TRIT1: variants seen among roughly 807,000 people sequenced by gnomAD.
TRIT1 encodes tRNA isopentenyltransferase 1.
TRIT1 carries 43 observed loss-of-function variants against 51.2 expected under a neutral mutation model. The observed-to-expected ratio is 0.84, with a 90% CI of 0.66 to 1.08. The LOEUF (loss-of-function observed/expected upper bound fraction) is 1.08, where lower values mean the gene tolerates loss of function less well. Among genes scored for constraint, TRIT1 ranks in the 50% least tolerant of loss-of-function variants. The probability of loss-of-function intolerance (pLI) is 0.00; values close to 1 mark genes in which losing one functional copy is unlikely to be tolerated. For missense variants in TRIT1, 528 were observed against 578.4 expected (o/e 0.91, Z 0.89); for synonymous variants, 184 against 203.9 (o/e 0.90, Z 0.83).
chr1:39,868,311 T>A (rs1170258316), intron 1 of TRIT1, among the ~76,000 whole-genome samples: 1 of 152,174 alleles, frequency 6.6e-6, no homozygotes, highest in African/African-American at 2.4e-5. Context: ...TATTTGCGAA[T>A]AACATATCTG....
At chr1:39,860,837 T>C (rs1372187926) in intron 1 of TRIT1, among the ~76,000 whole-genome samples, 1 of 152,220 alleles carries the variant, frequency 6.6e-6, no homozygotes, top group Admixed American at 6.5e-5. Context: ...TCCAGCACTC[T>C]GGGAGGCCGA....
chr1:39,879,859 C>G (rs1445285052), intron 1 of TRIT1, among the ~76,000 whole-genome samples: 12 of 106,330 alleles, frequency 1.1e-4, no homozygotes, highest in African/African-American at 4.3e-4. Flanking sequence ...GCCACAATAG[C>G]GAAACTCCAT....
At chr1:39,862,439 C>T (rs945777638) in intron 1 of TRIT1, among the ~76,000 whole-genome samples, 1 of 151,944 alleles carries the variant, frequency 6.6e-6, no homozygotes, top group Non-Finnish European at 1.5e-5. Flanking sequence ...TTGTGATATT[C>T]CGTTTCTTGA....
rs1356484170 is a variant in TRIT1 at position 39,839,591 on chromosome 1, G to A, written c.*2153C>T. 6.6e-6 allele frequency among the ~76,000 whole-genome samples: 1 copy of A among 152,226 alleles called. No individual in the cohort carries two copies. Among genetic ancestry groups the A allele is most frequent in the Non-Finnish European group, 1.5e-5 (1 of 68,050 alleles). ...CCAGAGCACCAGGCAGATTTCTAGTGAGTGTTCTGCCTTTCCCAGGCTCTT... is the reference window on the plus strand; with the variant it reads ...CCAGAGCACCAGGCAGATTTCTAGTAAGTGTTCTGCCTTTCCCAGGCTCTT... On this transcript the variant is annotated 3_prime_UTR_variant, in exon 11 of 11. Coordinates refer to ENST00000316891, the MANE Select transcript of TRIT1 (RefSeq NM_017646.6).
chr1:39,853,929 C>A (rs1437576710), intron 3 of TRIT1, 41 bp downstream of exon 3: 2 of 1,367,464 alleles, frequency 1.5e-6, no homozygotes, highest in African/African-American at 1.4e-5. Context: ...CAAGAAAGAG[C>A]AATCCATTTC....
chr1:39,840,754 C>G lies in TRIT1; in HGVS notation c.*990G>C, dbSNP rs957124972. On this transcript the variant is annotated 3_prime_UTR_variant, in exon 11 of 11. Coordinates refer to ENST00000316891, the MANE Select transcript of TRIT1 (RefSeq NM_017646.6). ...ATGTAGTTAATGCTGCTGAATTATA[C>G]CCTAAAAATGCTATATTTGATGTTA... 3.3e-5 allele frequency among the ~76,000 whole-genome samples: 5 copies of G among 152,162 alleles called. No homozygotes were observed. The highest frequency in any genetic ancestry group is 9.7e-5 in the African/African-American group (4 of 41,420).
At chr1:39,871,120 G>C (rs1185772478) in intron 1 of TRIT1, among the ~76,000 whole-genome samples, 2 of 152,114 alleles carry the variant, frequency 1.3e-5, no homozygotes, top group Non-Finnish European at 2.9e-5. Context: ...TTGAACCCGG[G>C]AGGCGGAGGT....
intron 1 of TRIT1, among the ~76,000 whole-genome samples, chr1:39,879,130 G>A (rs754091024): frequency 1.1e-4 from 16 of 152,074 alleles, no homozygotes; most frequent in East Asian, 1.9e-4. Flanking sequence ...TTAGCCAGGC[G>A]TGGTGGCACA....
At position 39,847,646 on chromosome 1, in the gene TRIT1, T is replaced by C. The variant is rs1642311968; in HGVS notation, c.830A>G (p.His277Arg). ...GAAGCCAATTGATTGGAAGATACCATGTTGATAGTCCTGGCTGGGAACAGG... is the reference window on the plus strand; with the variant it reads ...GAAGCCAATTGATTGGAAGATACCACGTTGATAGTCCTGGCTGGGAACAGG... ...NVSENSQDYQ[H>R]GIFQSIGFKE... The change falls in exon 7 of 11, where the codon CAT becomes CGT. Residue 277 changes from histidine to arginine, a missense_variant. By Grantham distance (29) the His-to-Arg change is conservative. Around this residue, in one of 3 missense-constraint regions of TRIT1, gnomAD observed 468 missense variants for 522.6 expected, o/e 0.90. Coordinates refer to ENST00000316891, the MANE Select transcript of TRIT1 (RefSeq NM_017646.6). 1.2e-6 allele frequency: 2 copies of C among 1,614,196 alleles called. No homozygotes were observed. The highest frequency in any genetic ancestry group is 1.7e-6 in the Non-Finnish European group (2 of 1,180,024).
chr1:39,873,910 G>A (rs2124676595), intron 1 of TRIT1, among the ~76,000 whole-genome samples: 1 of 152,170 alleles, frequency 6.6e-6, no homozygotes, highest in South Asian at 2.1e-4. Flanking sequence ...GTAGTCCCAG[G>A]AGGCTGGGGC....
rs979538541 is a variant in TRIT1, at chr1:39,839,172, A to T, written c.*2572T>A. Among the ~76,000 whole-genome samples, 5 of 152,140 alleles carry T rather than the reference A, an allele frequency of 3.3e-5. No homozygotes were observed. The highest frequency in any genetic ancestry group is 3.3e-4 in the Admixed American group (5 of 15,270). ...TAGCACTGCTGGTGTGATGGACTGG[A>T]GGCTCTGGATACCTGGACTGGAGGG... On this transcript the variant is annotated 3_prime_UTR_variant, in exon 11 of 11. Coordinates refer to ENST00000316891, the MANE Select transcript of TRIT1 (RefSeq NM_017646.6).
intron 6 of TRIT1, 122 bp downstream of exon 6, chr1:39,847,864 A>G: frequency 7.4e-7 from 1 of 1,347,254 alleles, no homozygotes; most frequent in Non-Finnish European, 1.0e-6. Context: ...CTGAAAGATT[A>G]AAAAACTGCA....
At chr1:39,852,662 G>C in intron 4 of TRIT1, 69 bp downstream of exon 4, 1 of 1,550,732 alleles carries the variant, frequency 6.4e-7, no homozygotes, top group Non-Finnish European at 8.7e-7. Flanking sequence ...TCATCATCTG[G>C]GCAAACTGAA....
At chr1:39,848,911 T>C (rs1447862714) in intron 5 of TRIT1, among the ~76,000 whole-genome samples, 1 of 151,996 alleles carries the variant, frequency 6.6e-6, no homozygotes, top group African/African-American at 2.4e-5. Context: ...TGTTCAGATG[T>C]GACAAACAGC....
intron 4 of TRIT1, 66 bp from the exon 5 acceptor site, chr1:39,850,327 A>C: frequency 8.9e-5 from 140 of 1,576,664 alleles, no homozygotes; most frequent in Non-Finnish European, 1.1e-4. Context: ...ATTCATTCTC[A>C]AGTAAAACAA....
intron 1 of TRIT1, among the ~76,000 whole-genome samples, chr1:39,870,062 A>G (rs1453298795): frequency 6.6e-6 from 1 of 152,232 alleles, no homozygotes; most frequent in East Asian, 1.9e-4. Context: ...GGTTTTGTCA[A>G]GTGGAAGGGG....
intron 1 of TRIT1, among the ~76,000 whole-genome samples, chr1:39,870,200 A>G (rs1393589089): frequency 1.3e-5 from 2 of 152,168 alleles, no homozygotes; most frequent in East Asian, 1.9e-4. Context: ...CTGTTAATCT[A>G]TGGCCTTACC....
chr1:39,863,103 A>G (rs1227865343), intron 1 of TRIT1, among the ~76,000 whole-genome samples: 1 of 152,228 alleles, frequency 6.6e-6, no homozygotes, highest in African/African-American at 2.4e-5. Flanking sequence ...ACTTATCTCT[A>G]CAAACATTTA....
intron 1 of TRIT1, among the ~76,000 whole-genome samples, chr1:39,874,437 A>G (rs1643980244): frequency 6.6e-6 from 1 of 152,198 alleles, no homozygotes; most frequent in Non-Finnish European, 1.5e-5. Flanking sequence ...ATACATTAAC[A>G]TATAAAGATA....
Sources: gnomAD v4.1 joint callset for allele counts (sites outside exome capture counted in the v4.1 genomes callset) on GRCh38, gnomAD v4.1.1 for gene constraint, gnomAD v4.1.1 regional missense constraint, MANE v1.5 for transcripts, NCBI Gene and HGNC (gene_info 2026-07-23, HGNC 2026-07-21) for gene names.